The following DGKG variants were observed in gnomAD, a reference collection of about 807,000 sequenced individuals.
DGKG encodes the protein diacylglycerol kinase gamma, also known as DAG kinase gamma.
Under a neutral mutation model 105.3 loss-of-function variants are expected in DGKG, and 78 were observed. The ratio of observed to expected loss-of-function variants is 0.74; its 90% confidence interval spans 0.62 to 0.89. The LOEUF (loss-of-function observed/expected upper bound fraction) is 0.89. DGKG is among the 40% of genes least tolerant of loss of function. DGKG has a pLI of 0.00. For missense variants in DGKG, 958 were observed against 1,020.1 expected (o/e 0.94, Z 0.83); for synonymous variants, 346 against 367.1 (o/e 0.94, Z 0.66).
chr3:186,154,993 T>A (rs979766289), intron 24 of DGKG, among the ~76,000 whole-genome samples: 2 of 152,204 alleles, frequency 1.3e-5, no homozygotes, highest in Non-Finnish European at 2.9e-5. Context: ...GATTCTGCTA[T>A]CGTCTAACTC....
At chr3:186,209,809 G>A (rs984899942) in intron 21 of DGKG, among the ~76,000 whole-genome samples, 1 of 152,026 alleles carries the variant, frequency 6.6e-6, no homozygotes, top group Non-Finnish European at 1.5e-5. Context: ...ACCATTCACC[G>A]CTATTCTCTG....
Position 186,149,237 on chromosome 3 carries a change from T to G in DGKG, c.*853A>C. The G allele has an allele frequency of 6.3e-6, 6 of 950,866 alleles. No homozygotes were observed. The highest frequency in any genetic ancestry group is 7.5e-6 in the Non-Finnish European group (6 of 801,004). The allele number at this position is 950,866 out of a possible 1,614,324, so 58.9% of individuals were successfully genotyped here. On this transcript the variant is annotated 3_prime_UTR_variant, in exon 25 of 25. Coordinates refer to ENST00000265022, the MANE Select transcript of DGKG (RefSeq NM_001346.3). ...TGAAAAAGAAAGAAGCTGGGGGTGG[T>G]TTTTTTTTTCCTTCCCTTTTTACAC...
At chr3:186,323,971 C>T (rs976260010) in intron 1 of DGKG, among the ~76,000 whole-genome samples, 43 of 148,234 alleles carry the variant, frequency 2.9e-4, no homozygotes, top group Non-Finnish European at 5.8e-4. Flanking sequence ...AGCTGGGTGT[C>T]GTGGTGCATG....
intron 23 of DGKG, 66 bp from the exon 24 acceptor site, chr3:186,161,729 A>G (rs1479431894): frequency 3.7e-6 from 6 of 1,611,032 alleles, no homozygotes; most frequent in Non-Finnish European, 5.1e-6. Context: ...GGTTATTCCC[A>G]CCAGGAAAAC....
At chr3:186,318,752 C>G (rs1038826915) in intron 2 of DGKG, among the ~76,000 whole-genome samples, 1 of 152,148 alleles carries the variant, frequency 6.6e-6, no homozygotes, top group Non-Finnish European at 1.5e-5. Flanking sequence ...TCAGAAGGAG[C>G]CAGCGCCGCT....
chr3:186,205,890 TA>T (rs932442027), intron 21 of DGKG, among the ~76,000 whole-genome samples: 37 of 149,764 alleles, frequency 2.5e-4, no homozygotes, highest in Admixed American at 8.0e-4. Context: ...CAATAAATAC[TA>T]AAAAAAAAAT....
intron 21 of DGKG, among the ~76,000 whole-genome samples, chr3:186,190,222 C>T (rs1402772123): frequency 6.6e-6 from 1 of 152,184 alleles, no homozygotes; most frequent in African/African-American, 2.4e-5. Flanking sequence ...CCAGGTTGTG[C>T]CACCTCTGGA....
chr3:186,355,391 C>T (rs1726890197), intron 1 of DGKG, among the ~76,000 whole-genome samples: 1 of 151,222 alleles, frequency 6.6e-6, no homozygotes, highest in African/African-American at 2.4e-5. Flanking sequence ...ACCACCACTA[C>T]CATCACCACT....
intron 20 of DGKG, among the ~76,000 whole-genome samples, chr3:186,235,504 T>C (rs957570601): frequency 6.6e-6 from 1 of 152,352 alleles, no homozygotes; most frequent in Non-Finnish European, 1.5e-5. Context: ...TGAACCTTTA[T>C]GCCTTGAGAA....
Position 186,193,790 on chromosome 3 carries a change from T to A in DGKG, c.1918-5411A>T, listed in dbSNP as rs1007638703. 2.6e-5 allele frequency among the ~76,000 whole-genome samples: 4 copies of A among 152,310 alleles called. 1 individual carries two copies. In the Middle Eastern group the frequency reaches 0.01, roughly 389 times the overall value. ...ATGACGTCATCGGGCCCCCTCCCCC[T>A]GCTCCGGCCCGCGCGGCCCCAGCGT... On this transcript the variant is annotated intron_variant, in intron 21 of 24. Coordinates refer to ENST00000265022, the MANE Select transcript of DGKG (RefSeq NM_001346.3).
intron 2 of DGKG, among the ~76,000 whole-genome samples, chr3:186,320,006 A>C (rs1725003816): frequency 6.6e-6 from 1 of 152,224 alleles, no homozygotes; most frequent in Non-Finnish European, 1.5e-5. Context: ...AAGAGCTTTA[A>C]TGACCTGAGC....
In DGKG at chr3:186,237,571, T is replaced by C. The variant is rs374776771; in HGVS notation, c.1826+4933A>G. Among the ~76,000 whole-genome samples the C allele has an allele frequency of 2.0e-5, 3 of 152,190 alleles. No homozygotes were observed. The East Asian group carries it at 5.8e-4, about 29-fold the overall frequency. Reference sequence around the variant, plus strand: ...ACAGCTCCATCCTCCTTAGCCTCAGTTCCTTCATTTCTAAAATGGGGACAG... The same window carrying C: ...ACAGCTCCATCCTCCTTAGCCTCAGCTCCTTCATTTCTAAAATGGGGACAG... On this transcript the variant is annotated intron_variant, in intron 20 of 24. Transcript: ENST00000265022.
intron 3 of DGKG, among the ~76,000 whole-genome samples, chr3:186,299,080 A>G (rs1723740060): frequency 6.6e-6 from 1 of 152,242 alleles, no homozygotes; most frequent in Non-Finnish European, 1.5e-5. Context: ...TGCACTCAGC[A>G]AACACTCAAC....
At chr3:186,266,882 C>A (rs542862209) in intron 13 of DGKG, among the ~76,000 whole-genome samples, 23 of 152,290 alleles carry the variant, frequency 1.5e-4, no homozygotes, top group African/African-American at 5.5e-4. Flanking sequence ...CAGGCATGAG[C>A]CACCGTGGCT....
rs538793092 is a variant in DGKG, at chr3:186,267,469, T to C, written c.1209+216A>G. On this transcript the variant is annotated intron_variant, in intron 13 of 24. Transcript: ENST00000265022. Reference sequence around the variant, plus strand: ...TAAAAACCCAGGTGATAAGATAATCTGCACAACAAACTCCCGCAAGACGTG... The same window carrying C: ...TAAAAACCCAGGTGATAAGATAATCCGCACAACAAACTCCCGCAAGACGTG... 1.7e-4 allele frequency: 89 copies of C among 515,340 alleles called. 1 individual carries two copies. The South Asian group carries it at 1.9e-3, about 11-fold the overall frequency. The allele number at this position is 515,340 out of a possible 1,614,324, so 31.9% of individuals were successfully genotyped here.
chr3:186,275,968 C>G (rs1201470188), intron 9 of DGKG, among the ~76,000 whole-genome samples: 1 of 150,106 alleles, frequency 6.7e-6, no homozygotes, highest in African/African-American at 2.5e-5. Context: ...ATCTATCTAT[C>G]TATCTATCTA....
In DGKG at chr3:186,253,181, A is replaced by C; in HGVS notation, c.1512T>G (p.Asp504Glu). 6.2e-7 allele frequency: 1 copy of C among 1,613,728 alleles called. No individual in the cohort carries two copies. Among genetic ancestry groups the C allele is most frequent in the Non-Finnish European group, 8.5e-7 (1 of 1,179,588 alleles). ...GTVGWILDCI[D>E]KANFAKHPPV... ...GTGGATGCTTTGCAAAGTTGGCCTT[A>C]TCTGCAAGACACACAGAGGAACAGA... Residue 504 changes from aspartate (D) to glutamate (E), a missense_variant and splice_region_variant, in exon 18 of 25, where the codon GAT becomes GAG. This residue lies in a region of DGKG where 315 missense variants were observed against 400.6 expected (regional missense o/e 0.79). Coordinates refer to ENST00000265022, the MANE Select transcript of DGKG (RefSeq NM_001346.3).
At chr3:186,164,756 A>G in intron 23 of DGKG, 142 bp downstream of exon 23, 1 of 1,028,384 alleles carries the variant, frequency 9.7e-7, no homozygotes, top group Non-Finnish European at 1.4e-6. Context: ...AATGGTCTAC[A>G]AAGACGTTCT....
At chr3:186,335,804 T>C (rs1229616601) in intron 1 of DGKG, among the ~76,000 whole-genome samples, 1 of 152,228 alleles carries the variant, frequency 6.6e-6, no homozygotes, top group Non-Finnish European at 1.5e-5. Context: ...ACTACTACTA[T>C]TATTTCCACA....
Sources: gnomAD v4.1 joint callset for allele counts (sites outside exome capture counted in the v4.1 genomes callset) on GRCh38, gnomAD v4.1.1 for gene constraint, gnomAD v4.1.1 regional missense constraint, MANE v1.5 for transcripts, NCBI Gene and HGNC (gene_info 2026-07-23, HGNC 2026-07-21) for gene names.